LRRK1: variants seen among roughly 807,000 people sequenced by gnomAD.
The protein encoded by LRRK1 is leucine-rich repeat serine/threonine-protein kinase 1.
LRRK1 carries 113 observed loss-of-function variants against 209.1 expected under a neutral mutation model. The observed-to-expected ratio is 0.54, with a 90% CI of 0.46 to 0.63. The LOEUF (loss-of-function observed/expected upper bound fraction) is 0.63. Ranked by LOEUF, LRRK1 falls within the 30% of genes least tolerant of loss-of-function variation. The pLI, the probability that LRRK1 is intolerant of heterozygous loss-of-function variation, is 0.00. For synonymous variants in LRRK1, 1,144 were observed against 1,099.7 expected (o/e 1.04, Z -0.80); for missense variants, 2,284 against 2,632.2 (o/e 0.87, Z 2.89).
intron 5 of LRRK1, 113 bp from the exon 6 acceptor site, chr15:100,989,137 C>G (rs2032027411): frequency 1.1e-6 from 1 of 945,576 alleles, no homozygotes; most frequent in African/African-American, 1.6e-5. Context: ...ATAGAGAAGT[C>G]CAACATGCAC....
rs988513773 is a variant in LRRK1 at position 101,069,653 on chromosome 15, C to A, written c.*805C>A. 1 of 152,598 alleles carries A rather than the reference C, an allele frequency of 6.6e-6. No homozygotes were observed. Among genetic ancestry groups the A allele is most frequent in the Non-Finnish European group, 1.5e-5 (1 of 68,032 alleles). The allele number at this position is 152,598 out of a possible 1,614,324, so 9.5% of individuals were successfully genotyped here. ...AATTTGGACGCAGCTGGAGCACAGGCCCTGTTTGTTTGCACATAATAATCT... is the reference window on the plus strand; with the variant it reads ...AATTTGGACGCAGCTGGAGCACAGGACCTGTTTGTTTGCACATAATAATCT... On this transcript the variant is annotated 3_prime_UTR_variant, in exon 34 of 34. Coordinates refer to ENST00000388948, the MANE Select transcript of LRRK1 (RefSeq NM_024652.6).
intron 2 of LRRK1, among the ~76,000 whole-genome samples, chr15:100,943,373 T>A (rs1416214609): frequency 1.3e-5 from 2 of 152,226 alleles, no homozygotes; most frequent in African/African-American, 4.8e-5. Context: ...TCTGATGGGG[T>A]TAAATGAATT....
chr15:100,933,702 G>A (rs111869232), intron 2 of LRRK1, among the ~76,000 whole-genome samples: 1 of 151,558 alleles, frequency 6.6e-6, no homozygotes, highest in African/African-American at 2.4e-5. Context: ...CACACCTGTA[G>A]TCCCAGCTAC....
At position 101,024,813 on chromosome 15, in the gene LRRK1, T is replaced by G; in HGVS notation, c.2078T>G (p.Val693Gly). 6.2e-7 allele frequency: 1 copy of G among 1,613,758 alleles called. No individual in the cohort carries two copies. Among genetic ancestry groups the G allele is most frequent in the Non-Finnish European group, 8.5e-7 (1 of 1,179,704 alleles). The change falls in exon 16 of 34, where the codon GTG (valine) becomes GGG (glycine). Residue 693 changes from valine to glycine, a missense_variant. By Grantham distance (109) the Val-to-Gly change is moderately radical (BLOSUM62 -3). This residue lies in a region of LRRK1 where 780 missense variants were observed against 985.2 expected (regional missense o/e 0.79). Coordinates refer to ENST00000388948, the MANE Select transcript of LRRK1 (RefSeq NM_024652.6). This position sits in a 1 kb window ranked among gnomAD's most constrained non-coding sequence, Gnocchi z 4.6. ...TTGTTGCTCAAGTAGGTTGAGTCCG[T>G]GGAGTTCAACGTCTGGGACATCGGG... ...PAGSRAKVES[V>G]EFNVWDIGGP...
chr15:100,919,755 C>G lies in LRRK1; in HGVS notation c.-123+304C>G, dbSNP rs2041986479. 6.6e-6 allele frequency among the ~76,000 whole-genome samples: 1 copy of G among 152,156 alleles called. No homozygotes were observed. Among genetic ancestry groups the G allele is most frequent in the Admixed American group, 6.5e-5 (1 of 15,280 alleles). On this transcript the variant is annotated intron_variant, in intron 1 of 33. Coordinates refer to ENST00000388948, the MANE Select transcript of LRRK1 (RefSeq NM_024652.6). The surrounding 1 kb of genome is among the most constrained non-coding windows in gnomAD (Gnocchi z 5.8). ...GGGGCCCGAGCAGGGAACCCCGAAA[C>G]CCCGTCCGGGCAGGGTCGGGAAAGC...
chr15:101,016,039 G>C (rs1025971619), intron 12 of LRRK1, among the ~76,000 whole-genome samples: 1 of 151,330 alleles, frequency 6.6e-6, no homozygotes, highest in African/African-American at 2.4e-5. Flanking sequence ...GCCCAGGCTG[G>C]AGTGCAGTGG....
rs1303042153 is a variant in LRRK1, at chr15:100,989,408, C to G, written c.762+10C>G. 2 of 1,613,880 alleles carry G rather than the reference C, an allele frequency of 1.2e-6. No homozygotes were observed. The highest frequency in any genetic ancestry group is 8.5e-7 in the Non-Finnish European group (1 of 1,179,914). On this transcript the variant is annotated intron_variant, in intron 6 of 33. Transcript: ENST00000388948. ...TTATCCGGGAAAAACAGTGAGTAGTCACTGCCTGTGGAGTGTGTTTTAGTT... is the reference window on the plus strand; with the variant it reads ...TTATCCGGGAAAAACAGTGAGTAGTGACTGCCTGTGGAGTGTGTTTTAGTT...
At position 100,951,028 on chromosome 15, in the gene LRRK1, G is replaced by A. The variant is rs12595431; in HGVS notation, c.98-22776G>A. Among the ~76,000 whole-genome samples, 9 of 152,206 alleles carry A rather than the reference G, an allele frequency of 5.9e-5. No homozygotes were observed. The South Asian group carries it at 1.0e-3, about 17-fold the overall frequency. On this transcript the variant is annotated intron_variant, in intron 2 of 33. Coordinates refer to ENST00000388948, the MANE Select transcript of LRRK1 (RefSeq NM_024652.6). Reference sequence around the variant, plus strand: ...TGAGGCAGGAGAATGGCGTGAACCCGGGAGGCGGAGCTTGCAGGGAGCAGA... The same window carrying A: ...TGAGGCAGGAGAATGGCGTGAACCCAGGAGGCGGAGCTTGCAGGGAGCAGA...
At chr15:100,972,335 TG>T (rs2030946397) in intron 2 of LRRK1, among the ~76,000 whole-genome samples, 147 of 106,204 alleles carry the variant, frequency 1.4e-3, no homozygotes, top group African/African-American at 2.9e-3. Flanking sequence ...TATATATATA[TG>T]AGAGAGAGAG....
intron 2 of LRRK1, among the ~76,000 whole-genome samples, chr15:100,941,701 G>A (rs1017742925): frequency 1.3e-5 from 2 of 152,144 alleles, no homozygotes; most frequent in African/African-American, 4.8e-5. Flanking sequence ...CGAAGAGGAG[G>A]GCCAGGGGAC....
intron 2 of LRRK1, among the ~76,000 whole-genome samples, chr15:100,962,158 A>ATT (rs34550019): frequency 1.3e-5 from 2 of 151,662 alleles, no homozygotes; most frequent in East Asian, 1.9e-4. Context: ...TCATCTTTTA[A>ATT]TTTTTTTTTC....
At chr15:101,053,938 T>C (rs923171909) in intron 26 of LRRK1, among the ~76,000 whole-genome samples, 2 of 152,104 alleles carry the variant, frequency 1.3e-5, no homozygotes, top group Non-Finnish European at 2.9e-5. Context: ...GCTATGAAAA[T>C]CAATCACTTC....
chr15:100,962,825 T>TA (rs2030161319), intron 2 of LRRK1, among the ~76,000 whole-genome samples: 4 of 9,984 alleles, frequency 4.0e-4, no homozygotes, highest in East Asian at 5.2e-3. Flanking sequence ...ATATATATAT[T>TA]TTTTTTTTTT....
chr15:100,989,385 A>T lies in LRRK1; in HGVS notation c.749A>T (p.Tyr250Phe). Residue 250 changes from tyrosine (Y) to phenylalanine (F), a missense_variant, in exon 6 of 34, where the codon TAT becomes TTT. By Grantham distance (22) the Tyr-to-Phe change is conservative. Coordinates refer to ENST00000388948, the MANE Select transcript of LRRK1 (RefSeq NM_024652.6). Reference sequence around the variant, plus strand: ...GAAGCCAGTCCCTTGCCCAGCAGTTATCCGGGAAAAACAGTGAGTAGTCAC... The same window carrying T: ...GAAGCCAGTCCCTTGCCCAGCAGTTTTCCGGGAAAAACAGTGAGTAGTCAC... ...FIEASPLPSS[Y>F]PGKTALRVKW... The T allele has an allele frequency of 1.2e-6, 2 of 1,614,198 alleles. No individual in the cohort carries two copies. The highest frequency in any genetic ancestry group is 1.7e-6 in the Non-Finnish European group (2 of 1,180,046).
chr15:101,032,250 C>T (rs1184387012), intron 20 of LRRK1, among the ~76,000 whole-genome samples: 2 of 152,042 alleles, frequency 1.3e-5, no homozygotes, highest in African/African-American at 2.4e-5. Context: ...CTTTTTGGTA[C>T]TGATATGTAC....
At chr15:101,057,077 C>G in intron 28 of LRRK1, 27 bp downstream of exon 28, 1 of 1,543,444 alleles carries the variant, frequency 6.5e-7, no homozygotes, top group South Asian at 1.2e-5. Flanking sequence ...AGCCCAGGGC[C>G]TGGGACCTCC....
intron 9 of LRRK1, among the ~76,000 whole-genome samples, 192 bp from the exon 10 acceptor site, chr15:101,011,816 C>T (rs1445383932): frequency 1.3e-5 from 2 of 152,132 alleles, no homozygotes; most frequent in African/African-American, 4.8e-5. Context: ...ATTCCTGTCC[C>T]TTCCTTGGAG....
intron 12 of LRRK1, among the ~76,000 whole-genome samples, chr15:101,020,517 A>G (rs1288216031): frequency 4.6e-5 from 7 of 151,922 alleles, no homozygotes; most frequent in Non-Finnish European, 1.0e-4. Flanking sequence ...CTGGGATTAC[A>G]GGTGCCCACC....
At chr15:100,968,660 C>A (rs915645826) in intron 2 of LRRK1, among the ~76,000 whole-genome samples, 1 of 149,530 alleles carries the variant, frequency 6.7e-6, no homozygotes, top group Admixed American at 6.8e-5. Flanking sequence ...CTTTTTCTTT[C>A]TTTCTTTCTT....
Sources: gnomAD v4.1 joint callset for allele counts (sites outside exome capture counted in the v4.1 genomes callset) on GRCh38, gnomAD v4.1.1 for gene constraint, gnomAD v4.1.1 regional missense constraint, Gnocchi (gnomAD v3.1) non-coding constraint, MANE v1.5 for transcripts, NCBI Gene and HGNC (gene_info 2026-07-23, HGNC 2026-07-21) for gene names.